ROBO1: variants seen among roughly 807,000 people sequenced by gnomAD.
The protein encoded by ROBO1 is roundabout guidance receptor 1.
A neutral mutation model predicts 195.9 loss-of-function variants in ROBO1; 149 were observed. The observed-to-expected ratio is 0.76, with a 90% confidence interval of 0.67 to 0.87. The LOEUF is 0.87. ROBO1 is among the 40% of genes least tolerant of loss of function. ROBO1 has a pLI of 0.00. For synonymous variants in ROBO1, 816 were observed against 733.2 expected, an observed-to-expected ratio of 1.11 and a Z score of -1.82; for missense variants, 1,933 against 2,068.3, an observed-to-expected ratio of 0.93 and a Z score of 1.27.
intron 3 of ROBO1, among the ~76,000 whole-genome samples, chr3:79,113,280 C>G (rs1359545437): frequency 6.6e-6 from 1 of 152,072 alleles, no homozygotes; most frequent in Non-Finnish European, 1.5e-5. Context: ...GTACCTCTGC[C>G]CATGTGCCCA....
At chr3:79,569,697 A>G (rs1288907170) in intron 2 of ROBO1, among the ~76,000 whole-genome samples, 1 of 151,360 alleles carries the variant, frequency 6.6e-6, no homozygotes, top group East Asian at 1.9e-4. Flanking sequence ...GTGTATATAT[A>G]TATGTGTGTG....
chr3:78,922,274 T>TA, intron 4 of ROBO1, among the ~76,000 whole-genome samples: 1 of 152,180 alleles, frequency 6.6e-6, no homozygotes, highest in South Asian at 2.1e-4. Flanking sequence ...CCAAAAATGT[T>TA]CAGGAAAATC....
chr3:79,718,274 T>A (rs1396925804), intron 1 of ROBO1, among the ~76,000 whole-genome samples: 1 of 152,028 alleles, frequency 6.6e-6, no homozygotes, highest in East Asian at 1.9e-4. Flanking sequence ...AATAATATAA[T>A]TACTGTTAAG....
At chr3:78,676,690 T>C (rs1041867402) in intron 10 of ROBO1, among the ~76,000 whole-genome samples, 1 of 152,166 alleles carries the variant, frequency 6.6e-6, no homozygotes, top group African/African-American at 2.4e-5. Context: ...AGACCAAATC[T>C]ACGTCTGATT....
At chr3:79,392,490 C>T (rs1031638490) in intron 2 of ROBO1, among the ~76,000 whole-genome samples, 14 of 152,074 alleles carry the variant, frequency 9.2e-5, no homozygotes, top group Admixed American at 5.2e-4. Context: ...TGCATATAGG[C>T]TTTACACACT....
intron 2 of ROBO1, among the ~76,000 whole-genome samples, chr3:79,390,699 A>T (rs1215989109): frequency 6.6e-6 from 1 of 152,004 alleles, no homozygotes; most frequent in East Asian, 1.9e-4. Flanking sequence ...AGGCAGAGGG[A>T]AATGGTGAAG....
chr3:79,407,449 CTTG>C (rs1306592612), intron 2 of ROBO1, among the ~76,000 whole-genome samples: 1 of 152,088 alleles, frequency 6.6e-6, no homozygotes, highest in African/African-American at 2.4e-5. Context: ...ATTTATGACA[CTTG>C]TTGTGTTTAG....
At chr3:79,055,887 C>T (rs115467086) in intron 3 of ROBO1, among the ~76,000 whole-genome samples, 1,555 of 152,166 alleles carry the variant, frequency 0.01, 10 homozygotes, top group Non-Finnish European at 0.016. Flanking sequence ...TAAGGAAAAA[C>T]TGGAGGTTTT....
At chr3:78,766,683 C>G (rs534843994) in intron 4 of ROBO1, among the ~76,000 whole-genome samples, 1 of 152,140 alleles carries the variant, frequency 6.6e-6, no homozygotes, top group East Asian at 1.9e-4. Flanking sequence ...AGTGGGCATC[C>G]TTGTCTTGTT....
At chr3:78,870,448 C>T (rs2107136349) in intron 4 of ROBO1, among the ~76,000 whole-genome samples, 1 of 152,288 alleles carries the variant, frequency 6.6e-6, no homozygotes, top group South Asian at 2.1e-4. Flanking sequence ...GCATCTCATT[C>T]TCACACAGTA....
At chr3:78,978,371 T>C (rs1380171295) in intron 3 of ROBO1, among the ~76,000 whole-genome samples, 3 of 152,106 alleles carry the variant, frequency 2.0e-5, no homozygotes, top group Non-Finnish European at 4.4e-5. Context: ...TTTTTACTTC[T>C]TCCATAGACT....
At position 78,860,139 on chromosome 3, in the gene ROBO1, GTAGATAGA is replaced by G. The variant is rs766675007; in HGVS notation, c.499+78454_499+78461del. On this transcript the variant is annotated intron_variant, in intron 4 of 30. Transcript: ENST00000464233. ...GAAGGGAACATAGGTAGGTAGATAGGTAGATAGATAGATAGATAGATAGATAGATAGAT... is the reference window on the plus strand; with the variant it reads ...GAAGGGAACATAGGTAGGTAGATAGGTAGATAGATAGATAGATAGATAGAT... Among the ~76,000 whole-genome samples, 1,200 of 141,978 alleles carry G rather than the reference GTAGATAGA, an allele frequency of 8.5e-3. 13 individuals are homozygous for G. The highest frequency in any genetic ancestry group is 0.022 in the African/African-American group (820 of 38,062). The allele number at this position is 141,978 out of a possible 152,430, so 93.1% of individuals were successfully genotyped here. A position where few individuals can be genotyped will look rare whatever the true frequency, so the allele number is the denominator to read the frequency against.
At chr3:78,876,876 T>A (rs950517893) in intron 4 of ROBO1, among the ~76,000 whole-genome samples, 3 of 148,396 alleles carry the variant, frequency 2.0e-5, no homozygotes, top group East Asian at 2.0e-4. Context: ...TCCACTAGAT[T>A]TTTTTTTTTC....
intron 2 of ROBO1, among the ~76,000 whole-genome samples, chr3:79,188,565 T>C (rs778612247): frequency 2.6e-5 from 4 of 151,610 alleles, no homozygotes; most frequent in Admixed American, 6.6e-5. Flanking sequence ...CACACACACA[T>C]ATACGTCGTC....
intron 3 of ROBO1, among the ~76,000 whole-genome samples, chr3:79,091,858 G>A (rs1361099069): frequency 1.3e-5 from 2 of 152,044 alleles, no homozygotes; most frequent in African/African-American, 4.8e-5. Context: ...GAAAACCAAG[G>A]GTAAAAATAA....
intron 1 of ROBO1, among the ~76,000 whole-genome samples, chr3:79,712,913 T>C (rs933388858): frequency 1.3e-5 from 2 of 152,092 alleles, no homozygotes; most frequent in Non-Finnish European, 2.9e-5. Context: ...CACCTGTTTA[T>C]AGCATGGTTT....
At chr3:79,676,095 C>T (rs1946777047) in intron 1 of ROBO1, among the ~76,000 whole-genome samples, 1 of 151,876 alleles carries the variant, frequency 6.6e-6, no homozygotes, top group Non-Finnish European at 1.5e-5. Context: ...GGAGCCTTAG[C>T]CACGAACCTT....
chr3:78,901,220 C>A (rs2037562497), intron 4 of ROBO1, among the ~76,000 whole-genome samples: 1 of 152,110 alleles, frequency 6.6e-6, no homozygotes, highest in African/African-American at 2.4e-5. Context: ...TCTTCCAGCC[C>A]ACAATTTTAT....
At chr3:79,425,837 GA>G (rs1434777416) in intron 2 of ROBO1, among the ~76,000 whole-genome samples, 3 of 152,092 alleles carry the variant, frequency 2.0e-5, no homozygotes, top group Non-Finnish European at 4.4e-5. Flanking sequence ...GAGGAAATTA[GA>G]AACACAAACC....
Sources: gnomAD v4.1 joint callset for allele counts (sites outside exome capture counted in the v4.1 genomes callset) on GRCh38, gnomAD v4.1.1 for gene constraint, MANE v1.5 for transcripts, NCBI Gene and HGNC (gene_info 2026-07-23, HGNC 2026-07-21) for gene names.